Variants in UBR3 observed in about 807,000 individuals in gnomAD.
UBR3 encodes the protein ubiquitin protein ligase E3 component n-recognin 3.
UBR3 carries 85 observed loss-of-function variants against 243.2 expected under a neutral mutation model. The ratio of observed to expected loss-of-function variants is 0.35; its 90% CI spans 0.29 to 0.42. UBR3 has a LOEUF of 0.42. Ranked by LOEUF, UBR3 falls within the 10% of genes least tolerant of loss-of-function variation. The pLI is 1.00. For missense variants in UBR3, 1,686 were observed against 2,300.8 expected (o/e 0.73, Z 5.47); for synonymous variants, 748 against 799.8 (o/e 0.94, Z 1.09).
chr2:169,931,384 T>C (rs1574228329), intron 18 of UBR3, among the ~76,000 whole-genome samples: 3 of 139,492 alleles, frequency 2.2e-5, no homozygotes, highest in African/African-American at 8.0e-5. Flanking sequence ...GGACGATAAA[T>C]GATTCTAGAA....
At chr2:169,914,726 T>C (rs1346549069) in intron 11 of UBR3, among the ~76,000 whole-genome samples, 1 of 152,198 alleles carries the variant, frequency 6.6e-6, no homozygotes, top group Non-Finnish European at 1.5e-5. Flanking sequence ...ATATGCCATA[T>C]GCAAAAGAAA....
chr2:169,828,127 G>A, intron 1 of UBR3, 75 bp downstream of exon 1: 2 of 1,323,974 alleles, frequency 1.5e-6, no homozygotes, highest in African/African-American at 3.1e-5. Flanking sequence ...GCGGAGCACT[G>A]GGAGCCCACT....
At chr2:169,895,445 A>T (rs1414894973) in intron 7 of UBR3, 134 bp downstream of exon 7, 3 of 1,010,764 alleles carry the variant, frequency 3.0e-6, no homozygotes, top group Non-Finnish European at 4.2e-6. Context: ...TCTTCTCTTG[A>T]TAACACAAGT....
intron 11 of UBR3, among the ~76,000 whole-genome samples, chr2:169,915,818 T>C (rs2085440793): frequency 6.6e-6 from 1 of 152,208 alleles, no homozygotes; most frequent in Non-Finnish European, 1.5e-5. Context: ...TTTTTGTCTC[T>C]AGAGATTCAT....
intron 10 of UBR3, among the ~76,000 whole-genome samples, chr2:169,911,068 A>G (rs1035490473): frequency 2.0e-5 from 3 of 152,182 alleles, no homozygotes; most frequent in Non-Finnish European, 4.4e-5. Flanking sequence ...TCTTTGTATG[A>G]TTGCACTGAA....
At position 170,073,520 on chromosome 2, in the gene UBR3, G is replaced by C. The variant is rs751676595; in HGVS notation, c.5112G>C (p.Leu1704=). 2.5e-6 allele frequency: 4 copies of C among 1,613,736 alleles called. No individual in the cohort carries two copies. Among genetic ancestry groups the C allele is most frequent in the Non-Finnish European group, 2.5e-6 (3 of 1,179,766 alleles). Residue 1704 remains leucine, a synonymous_variant, in exon 36 of 39, where the codon CTG becomes CTC. Transcript: ENST00000272793. ...ATCCATTCATCAGTGCCTCCTGTCTGGATTGGCCAGTTCCAGCATTTGATA... is the reference window on the plus strand; with the variant it reads ...ATCCATTCATCAGTGCCTCCTGTCTCGATTGGCCAGTTCCAGCATTTGATA... ...TEHPFISASC[L]DWPVPAFDII... is the part of the protein sequence containing the mutation.
chr2:169,900,518 T>TG (rs2084778548), intron 8 of UBR3, among the ~76,000 whole-genome samples: 2 of 152,258 alleles, frequency 1.3e-5, no homozygotes, highest in Admixed American at 1.3e-4. Context: ...TTGTCAATTT[T>TG]GGCTTTTGTT....
chr2:169,896,683 C>A lies in UBR3; in HGVS notation c.1413C>A (p.Val471=). The change falls in exon 8 of 39, where the codon GTC becomes GTA. Residue 471 remains valine, a synonymous_variant. Coordinates refer to ENST00000272793, the MANE Select transcript of UBR3 (RefSeq NM_172070.4). ...TEECQLLDIM[V]TVLLYMMESC... ...AATGTCAGCTGCTGGATATTATGGT[C>A]ACTGTGCTATTATACATGATGGAAA... 1.3e-6 allele frequency: 2 copies of A among 1,551,096 alleles called. No individual in the cohort carries two copies. Among genetic ancestry groups the A allele is most frequent in the South Asian group, 1.2e-5 (1 of 83,984 alleles).
At chr2:169,894,215 C>T (rs988192010) in intron 6 of UBR3, among the ~76,000 whole-genome samples, 5 of 144,344 alleles carry the variant, frequency 3.5e-5, no homozygotes, top group South Asian at 2.3e-4. Flanking sequence ...CCTAGCTATT[C>T]GGGAGGGTAA....
intron 8 of UBR3, among the ~76,000 whole-genome samples, chr2:169,898,752 GGTGCA>G (rs1295421770): frequency 6.7e-6 from 1 of 149,310 alleles, no homozygotes; most frequent in Non-Finnish European, 1.5e-5. Flanking sequence ...CCCAGGCTGG[GGTGCA>G]GTGGCGCGAT....
intron 1 of UBR3, among the ~76,000 whole-genome samples, chr2:169,836,067 ATTTTTTTTTTT>A (rs60845808): frequency 1.2e-4 from 4 of 32,670 alleles, no homozygotes; most frequent in African/African-American, 4.8e-4. Flanking sequence ...ATATATATAT[ATTTTTTTTTTT>A]TTTTTTTTTT....
intron 32 of UBR3, among the ~76,000 whole-genome samples, chr2:170,044,599 G>C (rs1574442801): frequency 6.6e-6 from 1 of 152,280 alleles, no homozygotes; most frequent in African/African-American, 2.4e-5. Flanking sequence ...CAAGGGGAAA[G>C]AAGATTTATA....
chr2:170,073,727 A>C, intron 36 of UBR3, 120 bp downstream of exon 36: 1 of 1,010,992 alleles, frequency 9.9e-7, no homozygotes, highest in East Asian at 2.8e-5. Flanking sequence ...AACTTGATTA[A>C]ATTGAAAAAA....
chr2:170,063,409 G>C (rs1219832937), intron 35 of UBR3, among the ~76,000 whole-genome samples: 4 of 152,126 alleles, frequency 2.6e-5, no homozygotes, highest in African/African-American at 4.8e-5. Flanking sequence ...TGAGATCAGA[G>C]CTTTAGATAG....
chr2:170,040,736 A>T, intron 31 of UBR3, 146 bp from the exon 32 acceptor site: 1 of 634,742 alleles, frequency 1.6e-6, no homozygotes, highest in Non-Finnish European at 2.5e-6. Context: ...TTTGCAAAAA[A>T]TATGACTCCT....
Position 170,029,360 on chromosome 2 carries a change from G to T in UBR3, c.4468G>T (p.Val1490Leu), listed in dbSNP as rs1210945018. The T allele has an allele frequency of 6.2e-7, 1 of 1,608,294 alleles. No individual in the cohort carries two copies. Among genetic ancestry groups the T allele is most frequent in the Non-Finnish European group, 8.5e-7 (1 of 1,177,512 alleles). Reference sequence around the variant, plus strand: ...AATTTTTTCAGATCAGCTGTTTCATGTATTAGCCTTGCACATGCGGCTTTA... The same window carrying T: ...AATTTTTTCAGATCAGCTGTTTCATTTATTAGCCTTGCACATGCGGCTTTA... ...KRSCLNQLFH[V>L]LALHMRLYSI... The change falls in exon 31 of 39, where the codon GTA becomes TTA. Residue 1490 changes from valine (V) to leucine (L), a missense_variant. Transcript: ENST00000272793.
In UBR3 at chr2:170,055,458, AGACC is replaced by A; in HGVS notation, c.4661-1_4663del. On this transcript the variant is annotated splice_acceptor_variant and coding_sequence_variant, in exon 33 of 39. Transcript: ENST00000272793. LOFTEE classifies it high-confidence loss of function. The stretch of plus-strand genomic sequence containing the variant: ...GAAATAATGATTTTTTTTCTCTTGC[AGACC>A]ACTTTACCTGCATTGTGAAGGTACT... The A allele has an allele frequency of 6.2e-7, 1 of 1,608,960 alleles. No individual in the cohort carries two copies. Among genetic ancestry groups the A allele is most frequent in the Admixed American group, 1.7e-5 (1 of 58,790 alleles).
chr2:169,856,368 G>C (rs2082863172), intron 1 of UBR3, among the ~76,000 whole-genome samples: 1 of 150,704 alleles, frequency 6.6e-6, no homozygotes, highest in Admixed American at 6.6e-5. Flanking sequence ...CGGGCAGAGG[G>C]GCTCCTCACA....
intron 33 of UBR3, among the ~76,000 whole-genome samples, chr2:170,057,576 A>G (rs1032637511): frequency 6.6e-6 from 1 of 152,202 alleles, no homozygotes; most frequent in Non-Finnish European, 1.5e-5. Context: ...ATGAAAAATA[A>G]CACATTTAAG....
Sources: allele counts gnomAD v4.1 joint callset (sites outside exome capture counted in the v4.1 genomes callset), GRCh38; gene constraint gnomAD v4.1.1; transcripts MANE v1.5; gene names NCBI Gene and HGNC (gene_info 2026-07-23, HGNC 2026-07-21).